Variants in STX17 observed in about 807,000 individuals in gnomAD.
STX17 encodes the protein syntaxin-17.
In STX17, 29 loss-of-function variants were observed where a neutral mutation model predicts 35.9. The ratio of observed to expected loss-of-function variants is 0.81; its 90% confidence interval spans 0.60 to 1.10. STX17 has a LOEUF of 1.10. Ranked by LOEUF, STX17 falls within the 50% of genes least tolerant of loss-of-function variation. STX17 has a pLI of 0.00. For synonymous variants in STX17, 92 were observed against 118.3 expected (o/e 0.78, Z 1.44); for missense variants, 312 against 352.3 (o/e 0.89, Z 0.92).
At chr9:99,944,560 G>A (rs987186338) in intron 3 of STX17, among the ~76,000 whole-genome samples, 27 of 150,726 alleles carry the variant, frequency 1.8e-4, no homozygotes, top group African/African-American at 6.4e-4. Flanking sequence ...TGTTGCCCAG[G>A]CTGGAGTGCA....
intron 3 of STX17, among the ~76,000 whole-genome samples, chr9:99,931,928 A>G (rs1315899594): frequency 1.3e-5 from 2 of 152,148 alleles, no homozygotes; most frequent in African/African-American, 4.8e-5. Context: ...TAAAAAGTAG[A>G]TTGCTTGTCT....
At chr9:99,918,136 C>CT (rs994956406) in intron 2 of STX17, among the ~76,000 whole-genome samples, 1 of 152,104 alleles carries the variant, frequency 6.6e-6, no homozygotes, top group Non-Finnish European at 1.5e-5. Flanking sequence ...GTCTCTCTCT[C>CT]TTTTTAAAAT....
intron 3 of STX17, chr9:99,945,702 A>T (rs913628970): frequency 3.2e-5 from 12 of 380,284 alleles, no homozygotes; most frequent in African/African-American, 2.6e-4. Context: ...TAATTTATCT[A>T]ATTTTTTCCT....
rs1828798635 is a variant in STX17, at chr9:99,917,509, G to A, written c.123+2147G>A. The stretch of plus-strand genomic sequence containing the variant: ...TCCAATATGAATTTAAAAGAAGAAA[G>A]TCAGACTGAAGGGAAATTGAAGGTA... On this transcript the variant is annotated intron_variant, in intron 2 of 7. Transcript: ENST00000259400. Among the ~76,000 whole-genome samples the A allele has an allele frequency of 2.0e-5, 3 of 152,180 alleles. No homozygotes were observed. In the South Asian group the frequency reaches 6.2e-4, roughly 31 times the overall value.
chr9:99,939,684 A>T (rs894958396), intron 3 of STX17, among the ~76,000 whole-genome samples: 2 of 152,082 alleles, frequency 1.3e-5, no homozygotes, highest in Non-Finnish European at 2.9e-5. Flanking sequence ...CTATTTTCCC[A>T]TTATTATTTT....
intron 3 of STX17, among the ~76,000 whole-genome samples, chr9:99,950,065 A>C (rs1294781835): frequency 2.0e-5 from 3 of 151,976 alleles, no homozygotes; most frequent in African/African-American, 7.2e-5. Flanking sequence ...TCCCAGGAAT[A>C]TAAAGATGAC....
At chr9:99,949,872 A>G (rs946074023) in intron 3 of STX17, among the ~76,000 whole-genome samples, 1 of 151,828 alleles carries the variant, frequency 6.6e-6, no homozygotes, top group Non-Finnish European at 1.5e-5. Context: ...ACAACCTTAA[A>G]CCTGTTAAAG....
chr9:99,941,565 G>A (rs1259368533), intron 3 of STX17, among the ~76,000 whole-genome samples: 1 of 152,092 alleles, frequency 6.6e-6, no homozygotes, highest in African/African-American at 2.4e-5. Context: ...TCACTACTCA[G>A]ATCAAGAAAT....
chr9:99,955,821 C>T (rs144333480), intron 4 of STX17, among the ~76,000 whole-genome samples: 131 of 152,056 alleles, frequency 8.6e-4, no homozygotes, highest in African/African-American at 3.0e-3. Context: ...GGTGGGAGTA[C>T]CTGAGATGAT....
chr9:99,947,442 T>C (rs1829506572), intron 3 of STX17, among the ~76,000 whole-genome samples: 1 of 152,220 alleles, frequency 6.6e-6, no homozygotes, highest in African/African-American at 2.4e-5. Context: ...TTTTGCTGTT[T>C]CTTCCTCATG....
At chr9:99,933,373 A>G (rs1269703190) in intron 3 of STX17, among the ~76,000 whole-genome samples, 1 of 152,168 alleles carries the variant, frequency 6.6e-6, no homozygotes, top group Admixed American at 6.5e-5. Flanking sequence ...CTTCCACAGT[A>G]TCCTTCCTTT....
chr9:99,923,379 C>T (rs886329198), intron 2 of STX17, among the ~76,000 whole-genome samples: 9 of 152,086 alleles, frequency 5.9e-5, no homozygotes, highest in Non-Finnish European at 8.8e-5. Context: ...AACCTGCATG[C>T]AAGGTTGATA....
intron 3 of STX17, among the ~76,000 whole-genome samples, chr9:99,949,189 C>G (rs1478415890): frequency 6.6e-6 from 1 of 151,896 alleles, no homozygotes; most frequent in African/African-American, 2.4e-5. Context: ...ATATTAATAC[C>G]TACATTTCAC....
At chr9:99,923,312 T>A (rs948731392) in intron 2 of STX17, among the ~76,000 whole-genome samples, 1 of 152,140 alleles carries the variant, frequency 6.6e-6, no homozygotes, top group African/African-American at 2.4e-5. Flanking sequence ...GTTGTAATAG[T>A]AAAATTATAA....
intron 4 of STX17, among the ~76,000 whole-genome samples, chr9:99,959,353 G>A (rs1045982879): frequency 2.0e-5 from 3 of 151,502 alleles, no homozygotes; most frequent in African/African-American, 7.3e-5. Context: ...GACCAGCCTG[G>A]GCAACATAGC....
Position 99,971,515 on chromosome 9 carries a change from A to G in STX17, c.*2842A>G, listed in dbSNP as rs746378411. Among the ~76,000 whole-genome samples, 18 of 152,220 alleles carry G rather than the reference A, an allele frequency of 1.2e-4. No homozygotes were observed. Among genetic ancestry groups the G allele is most frequent in the Non-Finnish European group, 2.4e-4 (16 of 68,040 alleles). ...AATGGGTTGCAACCCTTAGCTTGAA[A>G]AAAACACCCTCACAGAGGAACTGGT... is the stretch of plus-strand genomic sequence containing the variant. On this transcript the variant is annotated 3_prime_UTR_variant, in exon 8 of 8. Transcript: ENST00000259400.
intron 3 of STX17, among the ~76,000 whole-genome samples, chr9:99,949,971 A>G (rs148807315): frequency 2.7e-4 from 40 of 150,574 alleles, no homozygotes; most frequent in Middle Eastern, 3.4e-3. Flanking sequence ...ACACACTCCT[A>G]TGTGCTAAAG....
Position 99,928,689 on chromosome 9 carries a change from T to G in STX17, c.124-89T>G, listed in dbSNP as rs1302862497. The stretch of plus-strand genomic sequence containing the variant: ...TCTTCTCTAGATAGTATGTTTAAGT[T>G]TGGGTGGGTGAGTGGGGATTTTTGT... On this transcript the variant is annotated intron_variant, in intron 2 of 7. Coordinates refer to ENST00000259400, the MANE Select transcript of STX17 (RefSeq NM_017919.3). The G allele has an allele frequency of 4.7e-6, 5 of 1,074,366 alleles. No homozygotes were observed. The African/African-American group carries it at 7.8e-5, about 17-fold the overall frequency. 66.6% of individuals were successfully genotyped at this position (1,074,366 alleles called of 1,614,324 possible).
intron 2 of STX17, among the ~76,000 whole-genome samples, chr9:99,917,218 C>T (rs1828794312): frequency 6.6e-6 from 1 of 152,078 alleles, no homozygotes; most frequent in African/African-American, 2.4e-5. Flanking sequence ...ATTCCATATC[C>T]TTGATCATTC....
Sources: allele counts gnomAD v4.1 joint callset (sites outside exome capture counted in the v4.1 genomes callset), GRCh38; gene constraint gnomAD v4.1.1; transcripts MANE v1.5; gene names NCBI Gene and HGNC (gene_info 2026-07-23, HGNC 2026-07-21).